The following SYCP1 variants were observed in gnomAD, a reference collection of about 807,000 sequenced individuals.
SYCP1 encodes the protein synaptonemal complex protein 1.
Under a neutral mutation model 153.1 loss-of-function variants are expected in SYCP1, and 64 were observed. The ratio of observed to expected loss-of-function variants is 0.42; its 90% confidence interval spans 0.34 to 0.51. The LOEUF (loss-of-function observed/expected upper bound fraction) is 0.51, where lower values mean the gene tolerates loss of function less well. SYCP1 is among the 20% of genes least tolerant of loss of function. The pLI is 0.06. For missense variants in SYCP1, 997 were observed against 1,049.0 expected (o/e 0.95, Z 0.68); for synonymous variants, 384 against 341.8 (o/e 1.12, Z -1.36).
chr1:114,887,494 TAATA>T (rs1273663326), intron 14 of SYCP1, 128 bp from the exon 15 acceptor site: 1 of 490,416 alleles, frequency 2.0e-6, no homozygotes, highest in Non-Finnish European at 3.7e-6. Context: ...AGTAGGTACT[TAATA>T]AATGTTTAAC....
chr1:114,885,712 G>A (rs1666248197), intron 13 of SYCP1, 83 bp downstream of exon 13: 1 of 785,334 alleles, frequency 1.3e-6, no homozygotes, highest in Non-Finnish European at 2.0e-6. Context: ...CTAATACAAT[G>A]TACAAGGACC....
chr1:114,869,482 A>T (rs1664972802), intron 8 of SYCP1, among the ~76,000 whole-genome samples: 1 of 152,190 alleles, frequency 6.6e-6, no homozygotes, highest in Non-Finnish European at 1.5e-5. Context: ...ATTCCATGTG[A>T]GCTTCAGAAG....
At chr1:114,925,791 T>C (rs1226242240) in intron 21 of SYCP1, among the ~76,000 whole-genome samples, 4 of 152,062 alleles carry the variant, frequency 2.6e-5, no homozygotes, top group Non-Finnish European at 5.9e-5. Context: ...GATAAAACAT[T>C]GCAAAGATAA....
intron 27 of SYCP1, among the ~76,000 whole-genome samples, chr1:114,960,398 C>G (rs1174103602): frequency 6.6e-6 from 1 of 152,070 alleles, no homozygotes; most frequent in African/African-American, 2.4e-5. Flanking sequence ...GAACTCCTGA[C>G]CTCAGGTGAT....
chr1:114,976,934 C>G (rs1466023492), intron 27 of SYCP1, among the ~76,000 whole-genome samples: 1 of 151,646 alleles, frequency 6.6e-6, no homozygotes, highest in South Asian at 2.1e-4. Flanking sequence ...CTCTAATACT[C>G]CCTGGAGTTG....
At chr1:114,979,082 CCATAT>C (rs2101940210) in intron 28 of SYCP1, among the ~76,000 whole-genome samples, 1 of 149,996 alleles carries the variant, frequency 6.7e-6, no homozygotes, top group Non-Finnish European at 1.5e-5. Context: ...GGAAAATGAA[CCATAT>C]ATATGTTGGA....
intron 16 of SYCP1, among the ~76,000 whole-genome samples, chr1:114,895,802 C>G (rs1667020754): frequency 6.6e-6 from 1 of 151,668 alleles, no homozygotes; most frequent in African/African-American, 2.4e-5. Flanking sequence ...GATGTTGTAC[C>G]CTTTGAACAA....
At chr1:114,948,371 G>GT (rs1670883350) in intron 27 of SYCP1, among the ~76,000 whole-genome samples, 1 of 152,020 alleles carries the variant, frequency 6.6e-6, no homozygotes, top group Non-Finnish European at 1.5e-5. Context: ...TCAGGATTAC[G>GT]TAGTAAGAGA....
chr1:114,976,999 T>C (rs1405258653), intron 27 of SYCP1, among the ~76,000 whole-genome samples: 2 of 151,800 alleles, frequency 1.3e-5, no homozygotes, highest in African/African-American at 4.8e-5. Flanking sequence ...ACATATTCAT[T>C]TATGTAGGCC....
intron 27 of SYCP1, among the ~76,000 whole-genome samples, chr1:114,961,861 T>C (rs1195542379): frequency 6.6e-6 from 1 of 152,154 alleles, no homozygotes; most frequent in African/African-American, 2.4e-5. Flanking sequence ...AGTGCATCTG[T>C]TCCAGGGTAT....
chr1:114,875,325 A>G (rs1570676980), intron 9 of SYCP1, among the ~76,000 whole-genome samples: 1 of 148,492 alleles, frequency 6.7e-6, no homozygotes. Flanking sequence ...CAGTGGCGCA[A>G]CCTCGGCTCA....
At chr1:114,867,220 C>T (rs1664814516) in intron 8 of SYCP1, among the ~76,000 whole-genome samples, 1 of 151,970 alleles carries the variant, frequency 6.6e-6, no homozygotes, top group Non-Finnish European at 1.5e-5. Flanking sequence ...CCTTTAATAT[C>T]GTGTTCGCTC....
chr1:114,914,340 A>C (rs1363569920), intron 20 of SYCP1, among the ~76,000 whole-genome samples: 1 of 151,904 alleles, frequency 6.6e-6, no homozygotes, highest in Non-Finnish European at 1.5e-5. Flanking sequence ...AAAATATAGA[A>C]ATCTTAAAAA....
At chr1:114,933,773 G>A (rs1669796022) in intron 23 of SYCP1, among the ~76,000 whole-genome samples, 1 of 152,162 alleles carries the variant, frequency 6.6e-6, no homozygotes, top group Non-Finnish European at 1.5e-5. Flanking sequence ...ACAAGCTTCA[G>A]TAGCTGATTC....
chr1:114,870,748 G>A lies in SYCP1; in HGVS notation c.599-3758G>A, dbSNP rs896939913. 5.3e-4 allele frequency among the ~76,000 whole-genome samples: 80 copies of A among 152,222 alleles called. 1 individual carries two copies. The highest frequency in any genetic ancestry group is 1.7e-3 in the African/African-American group (72 of 41,556). On this transcript the variant is annotated intron_variant, in intron 8 of 31. Transcript: ENST00000369522. ...TTATCCATTTACTTTTATTCTAGAT[G>A]TGATTTTACATTTAAAGTGAGTTTC...
chr1:114,951,737 T>G (rs185053694), intron 27 of SYCP1, among the ~76,000 whole-genome samples: 8 of 152,310 alleles, frequency 5.3e-5, no homozygotes, highest in Admixed American at 3.9e-4. Context: ...TTGACACAAT[T>G]AAGATACAGA....
At chr1:114,936,579 A>C (rs1223970378) in intron 23 of SYCP1, among the ~76,000 whole-genome samples, 1 of 152,206 alleles carries the variant, frequency 6.6e-6, no homozygotes, top group African/African-American at 2.4e-5. Flanking sequence ...AAAGAAATAA[A>C]GGCTATTCAA....
chr1:114,894,050 T>C (rs967657766), intron 15 of SYCP1, among the ~76,000 whole-genome samples: 1 of 151,900 alleles, frequency 6.6e-6, no homozygotes, highest in African/African-American at 2.4e-5. Flanking sequence ...CTTTTATATA[T>C]ATTTTTTCTC....
intron 16 of SYCP1, among the ~76,000 whole-genome samples, chr1:114,896,902 A>G (rs1328351554): frequency 6.6e-6 from 1 of 152,160 alleles, no homozygotes. Context: ...TGAAAAGTGA[A>G]AAAAGGGAAA....
Sources: gnomAD v4.1 joint callset for allele counts (sites outside exome capture counted in the v4.1 genomes callset) on GRCh38, gnomAD v4.1.1 for gene constraint, MANE v1.5 for transcripts, NCBI Gene and HGNC (gene_info 2026-07-23, HGNC 2026-07-21) for gene names.